IDH3B: variants seen among roughly 807,000 people sequenced by gnomAD.
The protein encoded by IDH3B is isocitrate dehydrogenase (NAD(+)) 3 non-catalytic subunit beta.
Under a neutral mutation model 47.5 loss-of-function variants are expected in IDH3B, and 40 were observed. That is an observed-to-expected ratio of 0.84 (90% CI 0.65 to 1.10). The LOEUF is 1.10. Ranked by LOEUF, IDH3B falls within the 50% of genes least tolerant of loss-of-function variation. The pLI is 0.00. For missense variants in IDH3B, 450 were observed against 505.2 expected, an observed-to-expected ratio of 0.89 and a Z score of 1.05; for synonymous variants, 185 against 191.0, an observed-to-expected ratio of 0.97 and a Z score of 0.26.
chr20:2,658,610 G>C lies in IDH3B; in HGVS notation c.*141C>G. ...ACCCAACAGTCTGTCCCCTAAGGAAGCCGGCCCAAGGACAACCTAGGCTCT... is the reference window on the plus strand; with the variant it reads ...ACCCAACAGTCTGTCCCCTAAGGAACCCGGCCCAAGGACAACCTAGGCTCT... On this transcript the variant is annotated 3_prime_UTR_variant, in exon 12 of 12. Coordinates refer to ENST00000380843, the MANE Select transcript of IDH3B (RefSeq NM_006899.5). The C allele has an allele frequency of 6.2e-7, 1 of 1,612,920 alleles. No individual in the cohort carries two copies. The highest frequency in any genetic ancestry group is 1.1e-5 in the South Asian group (1 of 90,898).
At chr20:2,661,202 T>TGTGTGTGTGTGC (rs1491115260) in intron 4 of IDH3B, among the ~76,000 whole-genome samples, 28 of 151,200 alleles carry the variant, frequency 1.9e-4, no homozygotes, top group East Asian at 9.8e-4. Flanking sequence ...TGTGTGTGTG[T>TGTGTGTGTGTGC]GCGTGTGTGA....
rs758042150 is a variant in IDH3B, at chr20:2,663,395, G to A, written c.337+51C>T. On this transcript the variant is annotated intron_variant, in intron 4 of 11. Coordinates refer to ENST00000380843, the MANE Select transcript of IDH3B (RefSeq NM_006899.5). ...GGGAGAAGGGCTTAATAAACATTTG[G>A]TCATTTGATTTTAAATGGCACATGG... 5.6e-6 allele frequency: 9 copies of A among 1,607,740 alleles called. 1 individual carries two copies. The South Asian group carries it at 8.8e-5, about 16-fold the overall frequency.
At position 2,658,706 on chromosome 20, in the gene IDH3B, G is replaced by A. The variant is rs1471313556; in HGVS notation, c.*45C>T. ...CTTCCCTGGTACACTGCACTGAAGG[G>A]TATGGGGAGTGTGGTCCTTGCAAGG... On this transcript the variant is annotated 3_prime_UTR_variant, in exon 12 of 12. Transcript: ENST00000380843. 2 of 1,614,140 alleles carry A rather than the reference G, an allele frequency of 1.2e-6. No homozygotes were observed. The highest frequency in any genetic ancestry group is 1.7e-6 in the Non-Finnish European group (2 of 1,180,032).
rs1250411646 is a variant in IDH3B at position 2,660,993 on chromosome 20, G to A, written c.338-24C>T. The A allele has an allele frequency of 1.6e-5, 26 of 1,611,900 alleles. No individual in the cohort carries two copies. Among genetic ancestry groups the A allele is most frequent in the Admixed American group, 3.3e-5 (2 of 60,010 alleles). ...TCCTGTGAAAACAAAGTGGGAAAAG[G>A]AGTGTCAGCCACAGGCCAAGCCCAA... is the stretch of plus-strand genomic sequence containing the variant. On this transcript the variant is annotated intron_variant, in intron 4 of 11. Transcript: ENST00000380843. This position sits in a 1 kb window ranked among gnomAD's most constrained non-coding sequence, Gnocchi z 5.6.
In IDH3B at chr20:2,663,531, G is replaced by A. The variant is rs139159095; in HGVS notation, c.252C>T (p.His84=). ...ATGCCATATTCTGCACCTCACTCAGGTGGTGCTCCTGGAACTCCACTGGGA... is the reference window on the plus strand; with the variant it reads ...ATGCCATATTCTGCACCTCACTCAGATGGTGCTCCTGGAACTCCACTGGGA... ...AAVPVEFQEH[H]LSEVQNMASE... Residue 84 remains histidine (H), a synonymous_variant, in exon 4 of 12, where the codon CAC becomes CAT. Coordinates refer to ENST00000380843, the MANE Select transcript of IDH3B (RefSeq NM_006899.5). The A allele has an allele frequency of 1.5e-4, 249 of 1,614,176 alleles. No individual in the cohort carries two copies. Among genetic ancestry groups the A allele is most frequent in the Middle Eastern group, 8.2e-4 (5 of 6,062 alleles).
rs1233167792 is a variant in IDH3B at position 2,659,523 on chromosome 20, A to G, written c.1071+2T>C. On this transcript the variant is annotated splice_donor_variant, in intron 11 of 11. Coordinates refer to ENST00000380843, the MANE Select transcript of IDH3B (RefSeq NM_006899.5). LOFTEE classifies it high-confidence loss of function. ...AAGCCAGCACTACTCTTCTCAACTC[A>G]CCTTGCCAACTTTGATCACCTTCTT... is the stretch of plus-strand genomic sequence containing the variant. 4 of 1,613,974 alleles carry G rather than the reference A, an allele frequency of 2.5e-6. No homozygotes were observed. The highest frequency in any genetic ancestry group is 3.4e-6 in the Non-Finnish European group (4 of 1,179,932).
At chr20:2,664,034 G>A (rs1600175369) in intron 1 of IDH3B, 29 bp from the exon 2 acceptor site, 1 of 1,613,498 alleles carries the variant, frequency 6.2e-7, no homozygotes, top group East Asian at 2.2e-5. Context: ...AGCCTGTAAG[G>A]TCAGCTTTGA....
At position 2,660,390 on chromosome 20, in the gene IDH3B, A is replaced by C. The variant is rs376076822; in HGVS notation, c.666-25T>G. 6.2e-7 allele frequency: 1 copy of C among 1,614,082 alleles called. No individual in the cohort carries two copies. The highest frequency in any genetic ancestry group is 1.3e-5 in the African/African-American group (1 of 75,024). On this transcript the variant is annotated intron_variant, in intron 7 of 11. Coordinates refer to ENST00000380843, the MANE Select transcript of IDH3B (RefSeq NM_006899.5). This position sits in a 1 kb window ranked among gnomAD's most constrained non-coding sequence, Gnocchi z 5.6. ...CCTGTCCATGGGCCAAAGGGGACAGAATCAGCCAAGAAAGTACAGGGGCTA... is the reference window on the plus strand; with the variant it reads ...CCTGTCCATGGGCCAAAGGGGACAGCATCAGCCAAGAAAGTACAGGGGCTA...
intron 1 of IDH3B, 24 bp from the exon 2 acceptor site, chr20:2,664,029 G>C (rs758814958): frequency 1.9e-6 from 3 of 1,613,632 alleles, no homozygotes; most frequent in East Asian, 4.5e-5. Flanking sequence ...ACACAAGCCT[G>C]TAAGGTCAGC....
chr20:2,659,973 GGA>G (rs2146308531), intron 9 of IDH3B, 55 bp downstream of exon 9: 1 of 1,608,124 alleles, frequency 6.2e-7, no homozygotes, highest in Non-Finnish European at 8.5e-7. Context: ...TATTGGGATG[GGA>G]GAGGAATGGC....
chr20:2,663,590 A>G (rs773504379), intron 3 of IDH3B, 24 bp from the exon 4 acceptor site: 1 of 1,614,148 alleles, frequency 6.2e-7, no homozygotes, highest in South Asian at 1.1e-5. Context: ...TTCCCAAAAC[A>G]TCACAGTCAA....
intron 2 of IDH3B, 69 bp downstream of exon 2, chr20:2,663,856 A>C: frequency 1.9e-6 from 3 of 1,598,134 alleles, no homozygotes; most frequent in Non-Finnish European, 2.6e-6. Context: ...GGGTGGGGAA[A>C]AGCCAGGGGA....
intron 11 of IDH3B, 62 bp from the exon 12 acceptor site, chr20:2,658,899 G>A: frequency 6.2e-7 from 1 of 1,607,294 alleles, no homozygotes. Flanking sequence ...AAGGGAGGTA[G>A]GGCAATGTGA....
Position 2,663,984 on chromosome 20 carries a change from G to A in IDH3B, c.58C>T (p.Pro20Ser), listed in dbSNP as rs1222359351. 1.1e-5 allele frequency: 18 copies of A among 1,614,160 alleles called. No homozygotes were observed. The highest frequency in any genetic ancestry group is 1.4e-5 in the Non-Finnish European group (17 of 1,180,018). The change falls in exon 2 of 12, where the codon CCT (proline) becomes TCT (serine). Residue 20 changes from proline to serine, a missense_variant. Coordinates refer to ENST00000380843, the MANE Select transcript of IDH3B (RefSeq NM_006899.5). ...GTACTCAGACCTCTCCATGCCCCAG[G>A]GTTCCCGGCGGAGACCAGCGCCTGC... ...LTRALVSAGN[P>S]GAWRGLSTSA... is the part of the protein sequence containing the mutation.
chr20:2,660,088 C>G lies in IDH3B; in HGVS notation c.857G>C (p.Gly286Ala). Residue 286 changes from glycine to alanine, a missense_variant, in exon 9 of 12, where the codon GGG becomes GCG. By Grantham distance (60) the Gly-to-Ala change is moderately conservative. Transcript: ENST00000380843. The surrounding 1 kb of genome is among the most constrained non-coding windows in gnomAD (Gnocchi z 5.6). Reference sequence around the variant, plus strand: ...CTCACCAGGGACCACACCAGCTCCCCCAACCAGGCCAGCAGCCAGATTGTC... The same window carrying G: ...CTCACCAGGGACCACACCAGCTCCCGCAACCAGGCCAGCAGCCAGATTGTC... ...IIDNLAAGLV[G>A]GAGVVPGESY... 1.2e-6 allele frequency: 2 copies of G among 1,614,096 alleles called. No individual in the cohort carries two copies. The highest frequency in any genetic ancestry group is 1.3e-5 in the African/African-American group (1 of 75,004).
At chr20:2,659,872 TGG>T in intron 9 of IDH3B, 79 bp from the exon 10 acceptor site, 1 of 1,427,198 alleles carries the variant, frequency 7.0e-7, no homozygotes, top group East Asian at 2.3e-5. Context: ...AAGGACATTA[TGG>T]GAGGGGGAGC....
At chr20:2,659,489 TA>T in intron 11 of IDH3B, 35 bp downstream of exon 11, 1 of 1,608,290 alleles carries the variant, frequency 6.2e-7, no homozygotes, top group Non-Finnish European at 8.5e-7. Flanking sequence ...AGAACTACTC[TA>T]AATCCTGAAG....
intron 4 of IDH3B, among the ~76,000 whole-genome samples, chr20:2,662,865 G>A (rs2086972057): frequency 6.6e-6 from 1 of 152,226 alleles, no homozygotes; most frequent in Non-Finnish European, 1.5e-5. Context: ...GCTGAGGCAG[G>A]AGAATCACTT....
chr20:2,659,163 A>T, intron 11 of IDH3B: 1 of 1,177,188 alleles, frequency 8.5e-7, no homozygotes, highest in Non-Finnish European at 1.0e-6. Flanking sequence ...TCACAGCGAA[A>T]AGGAGATGGG....
Sources: gnomAD v4.1 joint callset for allele counts (sites outside exome capture counted in the v4.1 genomes callset) on GRCh38, gnomAD v4.1.1 for gene constraint, Gnocchi (gnomAD v3.1) non-coding constraint, MANE v1.5 for transcripts, NCBI Gene and HGNC (gene_info 2026-07-23, HGNC 2026-07-21) for gene names.